Variants in CCER2 observed in about 807,000 individuals in gnomAD.
The protein encoded by CCER2 is coiled-coil domain-containing glutamate-rich protein 2.
Under a neutral mutation model 27.1 loss-of-function variants are expected in CCER2, and 20 were observed. That is an observed-to-expected ratio of 0.74 (90% CI 0.52 to 1.07). The LOEUF is 1.07. CCER2 is among the 50% of genes least tolerant of loss of function. The pLI is 0.00. For synonymous variants in CCER2, 140 were observed against 144.3 expected, an observed-to-expected ratio of 0.97 and a Z score of 0.21; for missense variants, 351 against 344.7, an observed-to-expected ratio of 1.02 and a Z score of -0.14.
chr19:38,911,202 T>A (rs2144751456), intron 3 of CCER2, 119 bp from the exon 4 acceptor site: 1 of 1,099,140 alleles, frequency 9.1e-7, no homozygotes, highest in East Asian at 2.7e-5. Flanking sequence ...TCACCTGAGG[T>A]CAGGAGTTTG....
chr19:38,912,039 C>A (rs763035457), intron 1 of CCER2, 59 bp downstream of exon 1: 219 of 1,512,714 alleles, frequency 1.4e-4, no homozygotes, highest in Middle Eastern at 1.4e-3. Context: ...CCCCCTCCCA[C>A]TGGAGTCCCC....
rs1974308320 is a variant in CCER2, at chr19:38,911,567, C to T, written c.189G>A (p.Lys63=). The change falls in exon 3 of 5, where the codon AAG becomes AAA. Residue 63 remains lysine (K), a splice_region_variant and synonymous_variant. Coordinates refer to ENST00000571838, the MANE Select transcript of CCER2 (RefSeq NM_001243212.2). ...QRGPCTALLH[K]ELCGTEPHGC... Reference sequence around the variant, plus strand: ...AAGTGGGGCCCGGGGCCTCCTTACCCTTGTGGAGAAGAGCAGTGCAGGGTC... The same window carrying T: ...AAGTGGGGCCCGGGGCCTCCTTACCTTTGTGGAGAAGAGCAGTGCAGGGTC... The T allele has an allele frequency of 1.6e-5, 25 of 1,535,380 alleles. No homozygotes were observed. Among genetic ancestry groups the T allele is most frequent in the Non-Finnish European group, 1.8e-5 (21 of 1,146,682 alleles).
In CCER2 at chr19:38,910,572, C is replaced by A. The variant is rs990754415; in HGVS notation, c.702G>T (p.Ser234=). Residue 234 remains serine (S), a synonymous_variant, in exon 4 of 5, where the codon TCG becomes TCT. Coordinates refer to ENST00000571838, the MANE Select transcript of CCER2 (RefSeq NM_001243212.2). ...AEPRQEKEEA[S]EREEKEVEQL... is the part of the protein sequence containing the mutation. ...TCATCCCCCTACTCACCTCCCTCTC[C>A]GAAGCCTCCTCCTTCTCCTGCCTGG... 12 of 1,481,416 alleles carry A rather than the reference C, an allele frequency of 8.1e-6. No individual in the cohort carries two copies. The African/African-American group carries it at 1.7e-4, about 21-fold the overall frequency. The allele number at this position is 1,481,416 out of a possible 1,614,324, so 91.8% of individuals were successfully genotyped here.
At chr19:38,911,460 G>A (rs1467772994) in intron 3 of CCER2, 106 bp downstream of exon 3, 7 of 943,092 alleles carry the variant, frequency 7.4e-6, no homozygotes, top group African/African-American at 3.3e-5. Context: ...CTTCCTCCAG[G>A]TAGCCTGGGT....
chr19:38,911,938 C>G lies in CCER2; in HGVS notation c.62-86G>C, dbSNP rs534194429. On this transcript the variant is annotated intron_variant, in intron 1 of 4. Coordinates refer to ENST00000571838, the MANE Select transcript of CCER2 (RefSeq NM_001243212.2). ...CCCAGCTCCATGGGCGTCCCGGTCC[C>G]CACACATCCCCTCCCCATCCCACCC... The G allele has an allele frequency of 4.1e-5, 62 of 1,507,018 alleles. 1 individual carries two copies. The South Asian group carries it at 7.3e-4, about 18-fold the overall frequency. The allele number at this position is 1,507,018 out of a possible 1,614,324, so 93.4% of individuals were successfully genotyped here.
Position 38,909,138 on chromosome 19 carries a change from G to C in CCER2, c.*98C>G, listed in dbSNP as rs1199524589. 4 of 1,275,572 alleles carry C rather than the reference G, an allele frequency of 3.1e-6. No homozygotes were observed. Among genetic ancestry groups the C allele is most frequent in the Non-Finnish European group, 3.3e-6 (3 of 918,980 alleles). 79.0% of individuals were successfully genotyped at this position (1,275,572 alleles called of 1,614,324 possible). On this transcript the variant is annotated 3_prime_UTR_variant, in exon 5 of 5. Coordinates refer to ENST00000571838, the MANE Select transcript of CCER2 (RefSeq NM_001243212.2). Reference sequence around the variant, plus strand: ...CACGTCCGCCTCCTCCCCTGTTTGGGTAGGGGTGGCGTGGGGTGCTAGGTG... The same window carrying C: ...CACGTCCGCCTCCTCCCCTGTTTGGCTAGGGGTGGCGTGGGGTGCTAGGTG...
In CCER2 at chr19:38,910,629, G is replaced by GTGT; in HGVS notation, c.644_645insACA (p.His214_His215insGln). 1 of 1,526,722 alleles carries GTGT rather than the reference G, an allele frequency of 6.5e-7. No individual in the cohort carries two copies. Among genetic ancestry groups the GTGT allele is most frequent in the Admixed American group, 2.0e-5 (1 of 50,494 alleles). 94.6% of individuals were successfully genotyped at this position (1,526,722 alleles called of 1,614,324 possible). On this transcript the variant is annotated inframe_insertion, in exon 4 of 5. Transcript: ENST00000571838. ...CCTCTGGCTGGTGGTGGTGGTGGTG[G>GTGT]TGGTGGGGCAAGTCCTCGCGCCTCT...
chr19:38,909,244 C>A lies in CCER2; in HGVS notation c.793G>T (p.Glu265Ter). Reference protein sequence around the residue: ...TETLGEQLRREG With the variant: ...TETLGEQLRR ...AGGGACTGAGGTAGGGGTCAGCCCT[C>A]CCTCCTGAGCTGCTCCCCCAGCGTC... The change falls in exon 5 of 5, where the codon GAG becomes TAG. Residue 265 changes from glutamate (E) to a stop codon, truncating the protein, a stop_gained. Coordinates refer to ENST00000571838, the MANE Select transcript of CCER2 (RefSeq NM_001243212.2). LOFTEE classifies it high-confidence loss of function. The A allele has an allele frequency of 6.5e-7, 1 of 1,535,330 alleles. No homozygotes were observed. The highest frequency in any genetic ancestry group is 8.7e-7 in the Non-Finnish European group (1 of 1,146,602).
At chr19:38,909,953 G>A (rs920620276) in intron 4 of CCER2, among the ~76,000 whole-genome samples, 1 of 151,066 alleles carries the variant, frequency 6.6e-6, no homozygotes, top group Non-Finnish European at 1.5e-5. Context: ...ACTCAATGCA[G>A]CCTCAAACTC....
rs1974313414 is a variant in CCER2 at position 38,911,798 on chromosome 19, T to A, written c.102+14A>T. 2 of 1,534,246 alleles carry A rather than the reference T, an allele frequency of 1.3e-6. No individual in the cohort carries two copies. Among genetic ancestry groups the A allele is most frequent in the Admixed American group, 2.0e-5 (1 of 50,848 alleles). On this transcript the variant is annotated intron_variant, in intron 2 of 4. Coordinates refer to ENST00000571838, the MANE Select transcript of CCER2 (RefSeq NM_001243212.2). ...CAGCTAGGTGAGGCAGGGCAAGGCC[T>A]CCACACTCCTCACCTCCTCCTTGGA... is the stretch of plus-strand genomic sequence containing the variant.
At chr19:38,909,377 C>T in intron 4 of CCER2, 52 bp from the exon 5 acceptor site, 1 of 1,494,590 alleles carries the variant, frequency 6.7e-7, no homozygotes, top group South Asian at 1.2e-5. Flanking sequence ...AGGCAGGCCA[C>T]CTCGGTCACT....
Position 38,911,555 on chromosome 19 carries a change from GGCC to G in CCER2, c.190+8_190+10del. 1 of 1,534,914 alleles carries G rather than the reference GGCC, an allele frequency of 6.5e-7. No homozygotes were observed. Among genetic ancestry groups the G allele is most frequent in the South Asian group, 1.2e-5 (1 of 84,028 alleles). On this transcript the variant is annotated splice_region_variant and intron_variant, in intron 3 of 4. Transcript: ENST00000571838. ...GTTGTGGAGGGCAAGTGGGGCCCGG[GGCC>G]TCCTTACCCTTGTGGAGAAGAGCAG... is the stretch of plus-strand genomic sequence containing the variant.
chr19:38,910,077 T>C (rs755665497), intron 4 of CCER2, among the ~76,000 whole-genome samples: 7 of 152,178 alleles, frequency 4.6e-5, no homozygotes, highest in Non-Finnish European at 8.8e-5. Flanking sequence ...TTCACTATGT[T>C]GCCCACGCTG....
chr19:38,912,063 T>TGGCAGGTCCCGCACTC, intron 1 of CCER2, 35 bp downstream of exon 1: 11 of 1,522,622 alleles, frequency 7.2e-6, no homozygotes, highest in African/African-American at 5.5e-5. Flanking sequence ...CCCCGGCCCC[T>TGGCAGGTCCCGCACTC]GGCAGGTCCC....
Position 38,911,870 on chromosome 19 carries a change from G to T in CCER2, c.62-18C>A. ...AGCGGTGGCTGTGGAGAAAGGAGATGGCACTGGGCTTTGCCGCCCTGGCTG... is the reference window on the plus strand; with the variant it reads ...AGCGGTGGCTGTGGAGAAAGGAGATTGCACTGGGCTTTGCCGCCCTGGCTG... On this transcript the variant is annotated intron_variant, in intron 1 of 4. Transcript: ENST00000571838. 1 of 1,534,662 alleles carries T rather than the reference G, an allele frequency of 6.5e-7. No individual in the cohort carries two copies.
chr19:38,910,017 G>A (rs1209585434), intron 4 of CCER2, among the ~76,000 whole-genome samples: 1 of 152,054 alleles, frequency 6.6e-6, no homozygotes, highest in African/African-American at 2.4e-5. Flanking sequence ...GACCACAGGC[G>A]TGCGCCACCA....
intron 4 of CCER2, 107 bp downstream of exon 4, chr19:38,910,456 C>G: frequency 3.6e-6 from 5 of 1,395,402 alleles, no homozygotes; most frequent in Non-Finnish European, 4.7e-6. Context: ...AGTGATGGAT[C>G]TGGTGGTGCA....
Position 38,912,115 on chromosome 19 carries a change from A to G in CCER2, c.44T>C (p.Leu15Pro). 1 of 1,515,980 alleles carries G rather than the reference A, an allele frequency of 6.6e-7. No individual in the cohort carries two copies. The highest frequency in any genetic ancestry group is 2.1e-5 in the Admixed American group (1 of 46,994). The allele number at this position is 1,515,980 out of a possible 1,614,324, so 93.9% of individuals were successfully genotyped here. ...GPASELLLLR[L>P]LLLGAATAAP... ...GCACTCACCCGCCCCCAGCAGGAGC[A>G]GCCGCAGCAGCAGCAGCTCAGAGGC... The change falls in exon 1 of 5, where the codon CTG (leucine) becomes CCG (proline). Residue 15 changes from leucine (L) to proline (P), a missense_variant. Leu to Pro is a moderately conservative substitution (Grantham distance 98, BLOSUM62 -3). Transcript: ENST00000571838.
rs1974310106 is a variant in CCER2 at position 38,911,620 on chromosome 19, C to G, written c.136G>C (p.Val46Leu). Residue 46 changes from valine to leucine, a missense_variant, in exon 3 of 5, where the codon GTG becomes CTG. Physicochemically the swap from Val to Leu is conservative, Grantham distance 32. Transcript: ENST00000571838. Reference sequence around the variant, plus strand: ...CTCTGGACCTGGCCCACGGTCAGCACCTCTGTGACCACCTCTGCCAGACAG... The same window carrying G: ...CTCTGGACCTGGCCCACGGTCAGCAGCTCTGTGACCACCTCTGCCAGACAG... ...TRCLAEVVTE[V>L]LTVGQVQRGP... 6.5e-7 allele frequency: 1 copy of G among 1,535,390 alleles called. No individual in the cohort carries two copies. The highest frequency in any genetic ancestry group is 8.7e-7 in the Non-Finnish European group (1 of 1,146,754).
Sources: gnomAD v4.1 joint callset for allele counts (sites outside exome capture counted in the v4.1 genomes callset) on GRCh38, gnomAD v4.1.1 for gene constraint, MANE v1.5 for transcripts, NCBI Gene and HGNC (gene_info 2026-07-23, HGNC 2026-07-21) for gene names.